The following COL4A3 variants were observed in gnomAD, a reference collection of about 807,000 sequenced individuals.
COL4A3 encodes the protein collagen type IV alpha 3 chain.
A neutral mutation model predicts 217.4 loss-of-function variants in COL4A3; 135 were observed. The observed-to-expected ratio is 0.62, with a 90% CI of 0.54 to 0.72. The LOEUF (loss-of-function observed/expected upper bound fraction) is 0.72. COL4A3 is among the 30% of genes least tolerant of loss of function. The pLI is 0.00. For synonymous variants in COL4A3, 690 were observed against 736.3 expected (o/e 0.94, Z 1.02); for missense variants, 1,868 against 2,119.9 (o/e 0.88, Z 2.33).
At chr2:227,215,598 A>G (rs2067498479) in intron 1 of COL4A3, among the ~76,000 whole-genome samples, 1 of 152,144 alleles carries the variant, frequency 6.6e-6, no homozygotes, top group Non-Finnish European at 1.5e-5. Context: ...AGCTGGGATT[A>G]CAGGTGCCCA....
chr2:227,255,713 G>A (rs908441114), intron 15 of COL4A3, among the ~76,000 whole-genome samples: 2 of 150,146 alleles, frequency 1.3e-5, no homozygotes, highest in Non-Finnish European at 3.0e-5. Flanking sequence ...GTGTGTGTGT[G>A]TTTTTTTTTT....
intron 1 of COL4A3, among the ~76,000 whole-genome samples, chr2:227,186,681 A>ATCATCTGTTTTTGAGGGGGTAT (rs2066044713): frequency 6.6e-6 from 1 of 152,134 alleles, no homozygotes; most frequent in Non-Finnish European, 1.5e-5. Flanking sequence ...GAGAGTGTAG[A>ATCATCTGTTTTTGAGGGGGTAT]TCATCTGTTT....
At chr2:227,218,836 GTT>G (rs1212609257) in intron 1 of COL4A3, among the ~76,000 whole-genome samples, 2 of 152,016 alleles carry the variant, frequency 1.3e-5, no homozygotes, top group Admixed American at 1.3e-4. Flanking sequence ...TTTTATATTT[GTT>G]TATTTGTATT....
chr2:227,226,091 G>C (rs1196221277), intron 1 of COL4A3, among the ~76,000 whole-genome samples: 1 of 152,314 alleles, frequency 6.6e-6, no homozygotes, highest in South Asian at 2.1e-4. Context: ...GACAGTAGAT[G>C]AGAGGTCTGC....
intron 34 of COL4A3, among the ~76,000 whole-genome samples, chr2:227,286,459 C>T (rs1454317625): frequency 6.6e-6 from 1 of 152,192 alleles, no homozygotes; most frequent in African/African-American, 2.4e-5. Flanking sequence ...TGTGCCACTG[C>T]ACTCCAACCT....
Position 227,314,089 on chromosome 2 carries a change from A to G in COL4A3, c.*2219A>G, listed in dbSNP as rs756106092. 1 of 152,698 alleles carries G rather than the reference A, an allele frequency of 6.5e-6. No individual in the cohort carries two copies. Among genetic ancestry groups the G allele is most frequent in the Non-Finnish European group, 1.5e-5 (1 of 68,066 alleles). 9.5% of individuals were successfully genotyped at this position (152,698 alleles called of 1,614,324 possible). A position where few individuals can be genotyped will look rare whatever the true frequency, so the allele number is the denominator to read the frequency against. On this transcript the variant is annotated 3_prime_UTR_variant, in exon 52 of 52. Coordinates refer to ENST00000396578, the MANE Select transcript of COL4A3 (RefSeq NM_000091.5). ...AAGTACGGCTGGCTACAACTGCTCC[A>G]TCCGTGCCTCTTTTTAAAGTTCAAA...
At position 227,290,728 on chromosome 2, in the gene COL4A3, G is replaced by A. The variant is rs746044922; in HGVS notation, c.3071-19G>A. On this transcript the variant is annotated intron_variant, in intron 36 of 51. Coordinates refer to ENST00000396578, the MANE Select transcript of COL4A3 (RefSeq NM_000091.5). The stretch of plus-strand genomic sequence containing the variant: ...CTCATGTTTATCTATTTTACTCTAT[G>A]TTTTCCCCCTAATTTCAGGTTCTAA... 16 of 1,611,464 alleles carry A rather than the reference G, an allele frequency of 9.9e-6. No homozygotes were observed. In the East Asian group the frequency reaches 2.5e-4, roughly 25 times the overall value.
intron 11 of COL4A3, among the ~76,000 whole-genome samples, chr2:227,252,215 T>C (rs192291288): frequency 0.029 from 3,509 of 122,750 alleles, 57 homozygotes; most frequent in South Asian, 0.052. Flanking sequence ...TTTCTTTCTT[T>C]TTTTTTTTTT....
intron 28 of COL4A3, among the ~76,000 whole-genome samples, chr2:227,278,316 A>G (rs2106137141): frequency 6.6e-6 from 1 of 152,210 alleles, no homozygotes; most frequent in East Asian, 1.9e-4. Flanking sequence ...TGACAAGTAC[A>G]TGAAAGTCCT....
chr2:227,264,193 G>A (rs1350352593), intron 21 of COL4A3, among the ~76,000 whole-genome samples: 1 of 152,228 alleles, frequency 6.6e-6, no homozygotes, highest in African/African-American at 2.4e-5. Context: ...CAAAGAGAGT[G>A]ATGTGGGGAA....
intron 15 of COL4A3, among the ~76,000 whole-genome samples, chr2:227,255,355 C>T (rs1384623458): frequency 2.0e-5 from 3 of 152,154 alleles, no homozygotes; most frequent in African/African-American, 7.2e-5. Context: ...CCCACTACCC[C>T]ACCCAGATCC....
chr2:227,285,435 A>T (rs944185267), intron 34 of COL4A3, among the ~76,000 whole-genome samples: 3 of 152,114 alleles, frequency 2.0e-5, no homozygotes, highest in African/African-American at 7.2e-5. Context: ...GTACAAAAAG[A>T]ATATTGCATT....
rs1200329105 is a variant in COL4A3 at position 227,279,857 on chromosome 2, G to T, written c.2190G>T (p.Gly730=). The T allele has an allele frequency of 6.2e-7, 1 of 1,609,238 alleles. No homozygotes were observed. The highest frequency in any genetic ancestry group is 1.3e-5 in the African/African-American group (1 of 74,982). The part of the protein sequence containing the change: ...LGCPGKMGEP[G]LPGKPGLPGA... ...GTCCTGGAAAAATGGGAGAGCCTGG[G>T]TTACCTGGAAAGCCAGGCCTCCCAG... Residue 730 remains glycine (G), a synonymous_variant, in exon 29 of 52, where the codon GGG becomes GGT. Transcript: ENST00000396578.
At chr2:227,306,144 T>G (rs1363744032) in intron 47 of COL4A3, among the ~76,000 whole-genome samples, 2 of 152,192 alleles carry the variant, frequency 1.3e-5, no homozygotes, top group Non-Finnish European at 2.9e-5. Context: ...ATTTAAAAAT[T>G]TTAATGACCA....
At chr2:227,220,045 T>G (rs1251549326) in intron 1 of COL4A3, among the ~76,000 whole-genome samples, 1 of 152,110 alleles carries the variant, frequency 6.6e-6, no homozygotes, top group East Asian at 1.9e-4. Context: ...TTTTCTGTAC[T>G]TGCTGAAGAT....
chr2:227,213,642 G>A (rs1175175042), intron 1 of COL4A3, among the ~76,000 whole-genome samples: 4 of 152,036 alleles, frequency 2.6e-5, no homozygotes, highest in Non-Finnish European at 5.9e-5. Context: ...GGTGGCTTAC[G>A]CCTGTAGTCC....
intron 43 of COL4A3, among the ~76,000 whole-genome samples, chr2:227,301,225 A>G (rs1332651178): frequency 6.6e-6 from 1 of 152,224 alleles, no homozygotes; most frequent in Non-Finnish European, 1.5e-5. Flanking sequence ...TGCTCTATGC[A>G]GCAGCCATTT....
At chr2:227,209,502 C>T (rs776780105) in intron 1 of COL4A3, among the ~76,000 whole-genome samples, 4 of 152,106 alleles carry the variant, frequency 2.6e-5, no homozygotes, top group Admixed American at 6.5e-5. Context: ...CCTCTGTGTC[C>T]GAATCTTCTG....
At chr2:227,218,676 G>T (rs1574597295) in intron 1 of COL4A3, among the ~76,000 whole-genome samples, 1 of 152,004 alleles carries the variant, frequency 6.6e-6, no homozygotes. Flanking sequence ...TTAGCAACAA[G>T]AAAAACATAT....
Sources: allele counts gnomAD v4.1 joint callset (sites outside exome capture counted in the v4.1 genomes callset), GRCh38; gene constraint gnomAD v4.1.1; transcripts MANE v1.5; gene names NCBI Gene and HGNC (gene_info 2026-07-23, HGNC 2026-07-21).